TDP1: variants seen among roughly 807,000 people sequenced by gnomAD.
The protein encoded by TDP1 is tyr-DNA phosphodiesterase 1.
A neutral mutation model predicts 81.5 loss-of-function variants in TDP1; 64 were observed. That is an observed-to-expected ratio of 0.79 (90% confidence interval 0.64 to 0.97). The LOEUF (loss-of-function observed/expected upper bound fraction) is 0.97, where lower values mean the gene tolerates loss of function less well. TDP1 is among the 50% of genes least tolerant of loss of function. The pLI is 0.00. For synonymous variants in TDP1, 256 were observed against 264.3 expected (o/e 0.97, Z 0.30); for missense variants, 723 against 743.8 (o/e 0.97, Z 0.33).
chr14:90,003,883 G>A (rs533845331), intron 14 of TDP1, among the ~76,000 whole-genome samples: 1 of 152,270 alleles, frequency 6.6e-6, no homozygotes, highest in Non-Finnish European at 1.5e-5. Flanking sequence ...CTTCTCTAAT[G>A]TCTGTTGCTT....
At chr14:89,960,544 G>C (rs1892206698) in intron 2 of TDP1, among the ~76,000 whole-genome samples, 1 of 152,148 alleles carries the variant, frequency 6.6e-6, no homozygotes, top group Non-Finnish European at 1.5e-5. Flanking sequence ...GAAATAAATA[G>C]AAACTTTTAG....
At chr14:90,011,952 A>T (rs1273781516) in intron 14 of TDP1, among the ~76,000 whole-genome samples, 1 of 152,268 alleles carries the variant, frequency 6.6e-6, no homozygotes, top group African/African-American at 2.4e-5. Flanking sequence ...AAATGTCTGC[A>T]GGGCATGTCA....
intron 2 of TDP1, 69 bp from the exon 3 acceptor site, chr14:89,963,039 A>G: frequency 6.2e-7 from 1 of 1,611,474 alleles, no homozygotes; most frequent in South Asian, 1.1e-5. Flanking sequence ...GGAAGTTGAG[A>G]GCAATAAAGT....
At chr14:89,978,176 T>C (rs1337615343) in intron 7 of TDP1, among the ~76,000 whole-genome samples, 2 of 152,208 alleles carry the variant, frequency 1.3e-5, no homozygotes, top group Non-Finnish European at 2.9e-5. Context: ...ACCAGTAGCA[T>C]GAAGTGTTCA....
At chr14:89,962,724 T>C (rs551870471) in intron 2 of TDP1, among the ~76,000 whole-genome samples, 2 of 151,710 alleles carry the variant, frequency 1.3e-5, no homozygotes, top group Non-Finnish European at 2.9e-5. Flanking sequence ...AAAAAAAAAT[T>C]AGCCAGACGT....
At chr14:90,033,076 C>A (rs772284943) in intron 15 of TDP1, 30 bp from the exon 16 acceptor site, 1 of 1,419,852 alleles carries the variant, frequency 7.0e-7, no homozygotes, top group Non-Finnish European at 1.0e-6. Context: ...AAATGGGGTG[C>A]AATCATAGAT....
intron 14 of TDP1, among the ~76,000 whole-genome samples, chr14:90,002,255 C>T (rs913990716): frequency 1.3e-5 from 2 of 152,094 alleles, no homozygotes; most frequent in Non-Finnish European, 2.9e-5. Context: ...AATCATCCAG[C>T]ATATTATGGA....
intron 14 of TDP1, among the ~76,000 whole-genome samples, chr14:89,998,420 A>ATATATATATGTATGTATG (rs1566891293): frequency 3.8e-5 from 3 of 79,278 alleles, no homozygotes; most frequent in African/African-American, 1.3e-4. Flanking sequence ...ATATATATAT[A>ATATATATATGTATGTATG]TATGTATGTA....
chr14:89,996,912 G>C (rs1365508112), intron 14 of TDP1, among the ~76,000 whole-genome samples: 5 of 152,210 alleles, frequency 3.3e-5, no homozygotes, highest in Admixed American at 6.5e-5. Context: ...TAAGGCGGCA[G>C]AGTTGAGGCA....
At chr14:90,043,008 A>G in intron 16 of TDP1, 62 bp from the exon 17 acceptor site, 1 of 1,613,240 alleles carries the variant, frequency 6.2e-7, no homozygotes, top group Non-Finnish European at 8.5e-7. Context: ...TTATGCCATC[A>G]GGTGAGTGCA....
chr14:89,989,722 T>C lies in TDP1; in HGVS notation c.1323T>C (p.Tyr441=), dbSNP rs1895976863. ...TGTTTTCCTCTTATTTTTAGATCTA[T>C]CCTTCTGTGGAAAATGTGCGGACCA... ...GKSSVPLYLI[Y]PSVENVRTSL... Residue 441 remains tyrosine (Y), a synonymous_variant, in exon 12 of 17, where the codon TAT becomes TAC. Transcript: ENST00000335725. 1.2e-6 allele frequency: 2 copies of C among 1,609,026 alleles called. No individual in the cohort carries two copies. Among genetic ancestry groups the C allele is most frequent in the Admixed American group, 1.7e-5 (1 of 59,988 alleles).
At chr14:90,019,239 C>G (rs1566913619) in intron 14 of TDP1, 77 bp from the exon 15 acceptor site, 1 of 1,295,562 alleles carries the variant, frequency 7.7e-7, no homozygotes, top group East Asian at 2.3e-5. Context: ...TTGACCGGTG[C>G]TCTTGCAGCT....
In TDP1 at chr14:89,975,784, A is replaced by T; in HGVS notation, c.760A>T (p.Lys254Ter). Residue 254 changes from lysine (K) to a stop codon, truncating the protein, a stop_gained, in exon 7 of 17, where the codon AAG (lysine) becomes TAG (stop). Coordinates refer to ENST00000335725, the MANE Select transcript of TDP1 (RefSeq NM_018319.4). LOFTEE classifies it high-confidence loss of function. ...PYENISLCQA[K>*]LDIAFGTHHT... The stretch of plus-strand genomic sequence containing the variant: ...AATGACTTCTTTTTCATCCTAGGCA[A>T]AGTTGGATATTGCGTTTGGAACACA... The T allele has an allele frequency of 5.0e-6, 8 of 1,612,636 alleles. No homozygotes were observed. The highest frequency in any genetic ancestry group is 6.8e-6 in the Non-Finnish European group (8 of 1,178,648).
intron 16 of TDP1, among the ~76,000 whole-genome samples, chr14:90,042,393 G>A (rs1400370788): frequency 3.3e-5 from 5 of 152,136 alleles, no homozygotes; most frequent in African/African-American, 9.7e-5. Context: ...CCACAACATA[G>A]GTACAGATAA....
chr14:90,019,930 T>C (rs1885767848), intron 15 of TDP1, among the ~76,000 whole-genome samples: 2 of 152,122 alleles, frequency 1.3e-5, no homozygotes, highest in Admixed American at 1.3e-4. Context: ...CAGAGATTGG[T>C]TCACATCATC....
chr14:89,972,630 C>T (rs917398102), intron 6 of TDP1, among the ~76,000 whole-genome samples: 3 of 139,462 alleles, frequency 2.2e-5, no homozygotes, highest in Admixed American at 7.0e-5. Flanking sequence ...TTCTATTACA[C>T]GTGGCGCATT....
At chr14:90,003,837 C>T (rs912993758) in intron 14 of TDP1, among the ~76,000 whole-genome samples, 1 of 152,184 alleles carries the variant, frequency 6.6e-6, no homozygotes, top group Non-Finnish European at 1.5e-5. Context: ...AAGACATTCT[C>T]TCTCCTCTGC....
Position 89,989,706 on chromosome 14 carries a change from C to T in TDP1, c.1318-11C>T, listed in dbSNP as rs747096951. On this transcript the variant is annotated splice_polypyrimidine_tract_variant and intron_variant, in intron 11 of 16. Transcript: ENST00000335725. ...ACATTCCGAGTTTTATTGTTTTCCT[C>T]TTATTTTTAGATCTATCCTTCTGTG... 2.5e-6 allele frequency: 4 copies of T among 1,603,908 alleles called. No individual in the cohort carries two copies. The highest frequency in any genetic ancestry group is 2.7e-5 in the African/African-American group (2 of 74,602).
chr14:90,033,243 G>C, intron 16 of TDP1, 29 bp downstream of exon 16: 1 of 1,278,254 alleles, frequency 7.8e-7, no homozygotes, highest in East Asian at 2.3e-5. Flanking sequence ...AAAACCACGG[G>C]TGGATATGCA....
Sources: allele counts gnomAD v4.1 joint callset (sites outside exome capture counted in the v4.1 genomes callset), GRCh38; gene constraint gnomAD v4.1.1; transcripts MANE v1.5; gene names NCBI Gene and HGNC (gene_info 2026-07-23, HGNC 2026-07-21).